The following GPR107 variants were observed in gnomAD, a reference collection of about 807,000 sequenced individuals.
GPR107 encodes the protein protein GPR107.
In GPR107, 31 loss-of-function variants were observed where a neutral mutation model predicts 75.5. The ratio of observed to expected loss-of-function variants is 0.41; its 90% CI spans 0.31 to 0.55. GPR107 has a LOEUF of 0.55. Among genes scored for constraint, GPR107 ranks in the 20% least tolerant of loss-of-function variants. The pLI is 0.26. For synonymous variants in GPR107, 267 were observed against 251.3 expected (o/e 1.06, Z -0.59); for missense variants, 572 against 665.7 (o/e 0.86, Z 1.55).
intron 1 of GPR107, among the ~76,000 whole-genome samples, chr9:130,058,941 T>C (rs1450443689): frequency 3.3e-5 from 5 of 152,336 alleles, no homozygotes; most frequent in East Asian, 1.9e-4. Flanking sequence ...TTCCACTGTT[T>C]GGCCATTATG....
At chr9:130,114,649 G>T in intron 14 of GPR107, 2 of 905,270 alleles carry the variant, frequency 2.2e-6, no homozygotes, top group Non-Finnish European at 3.0e-6. Flanking sequence ...GTCTCCCAAA[G>T]GGCTGGGATT....
Position 130,103,258 on chromosome 9 carries a change from C to T in GPR107, c.1132-1162C>T, listed in dbSNP as rs1198872998. Among the ~76,000 whole-genome samples, 1 of 152,154 alleles carries T rather than the reference C, an allele frequency of 6.6e-6. No homozygotes were observed. The highest frequency in any genetic ancestry group is 1.5e-5 in the Non-Finnish European group (1 of 68,034). On this transcript the variant is annotated intron_variant, in intron 12 of 17. Transcript: ENST00000347136. This position sits in a 1 kb window ranked among gnomAD's most constrained non-coding sequence, Gnocchi z 4.3. The stretch of plus-strand genomic sequence containing the variant: ...AAATGAAATTTCGGATAATTTGATT[C>T]TAAGTCCTGTATAGAAAGAGAAATT...
chr9:130,130,121 G>C (rs979681466), intron 17 of GPR107: 22 of 152,220 alleles, frequency 1.4e-4, no homozygotes, highest in African/African-American at 5.3e-4. Context: ...CTGGGCCTGG[G>C]TATGAGGGCA....
At chr9:130,060,294 C>T (rs555362088) in intron 1 of GPR107, among the ~76,000 whole-genome samples, 9 of 152,014 alleles carry the variant, frequency 5.9e-5, no homozygotes, top group Non-Finnish European at 1.3e-4. Flanking sequence ...AACTCCTGAC[C>T]TCAGATGTTC....
chr9:130,055,164 T>C (rs1829725855), intron 1 of GPR107, among the ~76,000 whole-genome samples: 1 of 152,078 alleles, frequency 6.6e-6, no homozygotes, highest in African/African-American at 2.4e-5. Flanking sequence ...TACCATACAG[T>C]CTTCTAAGAA....
intron 9 of GPR107, among the ~76,000 whole-genome samples, chr9:130,098,924 C>CATCACT (rs1407723870): frequency 6.6e-6 from 1 of 151,926 alleles, no homozygotes; most frequent in East Asian, 1.9e-4. Flanking sequence ...GGTGGGGGGG[C>CATCACT]ATCACTTGAT....
At chr9:130,088,527 A>G (rs1830665661) in intron 7 of GPR107, among the ~76,000 whole-genome samples, 1 of 152,098 alleles carries the variant, frequency 6.6e-6, no homozygotes, top group Non-Finnish European at 1.5e-5. Flanking sequence ...GTCTCTTATT[A>G]TTGATGTATA....
At chr9:130,081,818 T>C (rs1830498269) in intron 5 of GPR107, among the ~76,000 whole-genome samples, 1 of 152,112 alleles carries the variant, frequency 6.6e-6, no homozygotes, top group Admixed American at 6.6e-5. Context: ...ATTGCGCCAC[T>C]GCACTCCAGC....
intron 9 of GPR107, among the ~76,000 whole-genome samples, chr9:130,095,894 G>A (rs913701784): frequency 5.3e-5 from 8 of 152,146 alleles, no homozygotes; most frequent in Non-Finnish European, 1.2e-4. Flanking sequence ...GCCGCCAGGC[G>A]CATTTCACTG....
In GPR107 at chr9:130,138,708, C is replaced by G. The variant is rs1832022766; in HGVS notation, c.*3587C>G. 6.6e-6 allele frequency: 1 copy of G among 152,000 alleles called. No homozygotes were observed. The highest frequency in any genetic ancestry group is 1.5e-5 in the Non-Finnish European group (1 of 68,036). The allele number at this position is 152,000 out of a possible 1,614,324, so 9.4% of individuals were successfully genotyped here. On this transcript the variant is annotated 3_prime_UTR_variant, in exon 18 of 18. Coordinates refer to ENST00000347136, the MANE Select transcript of GPR107 (RefSeq NM_020960.5). ...TTTTCTAAGCTAAGGAGAATTTTCTCAAGAGTGGCATACTCATGCCAAATA... is the reference window on the plus strand; with the variant it reads ...TTTTCTAAGCTAAGGAGAATTTTCTGAAGAGTGGCATACTCATGCCAAATA...
chr9:130,071,148 A>G (rs1291818003), intron 1 of GPR107, among the ~76,000 whole-genome samples: 3 of 135,976 alleles, frequency 2.2e-5, no homozygotes, highest in South Asian at 4.6e-4. Context: ...CAATCGTCCC[A>G]CTTCAGCCTC....
chr9:130,060,402 G>GTTTTTTT (rs11403227), intron 1 of GPR107, among the ~76,000 whole-genome samples: 1 of 75,906 alleles, frequency 1.3e-5, no homozygotes, highest in Non-Finnish European at 2.4e-5. Flanking sequence ...GATAATCCGA[G>GTTTTTTT]TTTTTTTTTT....
At chr9:130,113,043 C>A (rs950493906) in intron 14 of GPR107, among the ~76,000 whole-genome samples, 1 of 152,092 alleles carries the variant, frequency 6.6e-6, no homozygotes, top group African/African-American at 2.4e-5. Context: ...AGCCACTGTG[C>A]CTGGCCAAGC....
intron 14 of GPR107, among the ~76,000 whole-genome samples, chr9:130,123,054 GTT>G (rs1831586608): frequency 6.6e-6 from 1 of 152,064 alleles, no homozygotes; most frequent in African/African-American, 2.4e-5. Flanking sequence ...TGCTTTTTCT[GTT>G]GTTTTTTGAG....
In GPR107 at chr9:130,112,642, G is replaced by C. The variant is rs929154491; in HGVS notation, c.1306+5103G>C. The stretch of plus-strand genomic sequence containing the variant: ...GCATGGGAGGTGTGCACACAGCACT[G>C]CTGCTGGGCCTGAAGTGTGATGGGT... On this transcript the variant is annotated intron_variant, in intron 14 of 17. Transcript: ENST00000347136. This position sits in a 1 kb window ranked among gnomAD's most constrained non-coding sequence, Gnocchi z 4.0. Among the ~76,000 whole-genome samples the C allele has an allele frequency of 6.6e-6, 1 of 152,256 alleles. No homozygotes were observed. The highest frequency in any genetic ancestry group is 2.4e-5 in the African/African-American group (1 of 41,462).
chr9:130,065,407 A>G (rs1474193138), intron 1 of GPR107, among the ~76,000 whole-genome samples: 1 of 151,706 alleles, frequency 6.6e-6, no homozygotes, highest in Non-Finnish European at 1.5e-5. Flanking sequence ...ATTGCACTCC[A>G]GCCTGGACAA....
At position 130,053,975 on chromosome 9, in the gene GPR107, C is replaced by T. The variant is rs1224051702; in HGVS notation, c.43C>T (p.Pro15Ser). Reference sequence around the variant, plus strand: ...CGTCGGCTCCCCCGCCTCCCGCGGTCCTAGGCTGGCCGCGGGCCTCCGGCT... The same window carrying T: ...CGTCGGCTCCCCCGCCTCCCGCGGTTCTAGGCTGGCCGCGGGCCTCCGGCT... ...APVGSPASRG[P>S]RLAAGLRLLP... The change falls in exon 1 of 18, where the codon CCT becomes TCT. Residue 15 changes from proline to serine, a missense_variant. Pro to Ser is a moderately conservative substitution (Grantham distance 74). Coordinates refer to ENST00000347136, the MANE Select transcript of GPR107 (RefSeq NM_020960.5). The T allele has an allele frequency of 3.2e-6, 5 of 1,554,270 alleles. No individual in the cohort carries two copies. Among genetic ancestry groups the T allele is most frequent in the Admixed American group, 3.9e-5 (2 of 51,628 alleles).
intron 1 of GPR107, among the ~76,000 whole-genome samples, chr9:130,055,493 A>G (rs1829750741): frequency 7.0e-6 from 1 of 143,222 alleles, no homozygotes; most frequent in African/African-American, 2.6e-5. Context: ...CCGCCACTGC[A>G]CTCCAGCCTG....
At chr9:130,100,850 G>A in intron 11 of GPR107, 148 bp downstream of exon 11, 2 of 673,330 alleles carry the variant, frequency 3.0e-6, no homozygotes, top group Non-Finnish European at 5.3e-6. Flanking sequence ...TAGCTCATGG[G>A]TGGCTGTCCA....
Sources: gnomAD v4.1 joint callset for allele counts (sites outside exome capture counted in the v4.1 genomes callset) on GRCh38, gnomAD v4.1.1 for gene constraint, Gnocchi (gnomAD v3.1) non-coding constraint, MANE v1.5 for transcripts, NCBI Gene and HGNC (gene_info 2026-07-23, HGNC 2026-07-21) for gene names.